PPARGC1A: variants seen among roughly 807,000 people sequenced by gnomAD.
PPARGC1A encodes PPARG coactivator 1 alpha, also known as peroxisome proliferator-activated receptor gamma coactivator 1-alpha.
A neutral mutation model predicts 88.7 loss-of-function variants in PPARGC1A; 25 were observed. The observed-to-expected ratio is 0.28, with a 90% CI of 0.21 to 0.39. The LOEUF is 0.39. Ranked by LOEUF, PPARGC1A falls within the 10% of genes least tolerant of loss-of-function variation. PPARGC1A has a pLI of 1.00. For synonymous variants in PPARGC1A, 363 were observed against 355.6 expected (o/e 1.02, Z -0.24); for missense variants, 880 against 968.7 (o/e 0.91, Z 1.22).
At chr4:24,006,489 T>C in the PPARGC1A span, among the ~76,000 whole-genome samples, 2 of 152,228 alleles carry the variant, frequency 1.3e-5, no homozygotes, top group African/African-American at 2.4e-5. Context: ...CCCTTAACAT[T>C]GGCTCAAACC....
At chr4:24,036,783 A>G in the PPARGC1A span, among the ~76,000 whole-genome samples, 2 of 152,168 alleles carry the variant, frequency 1.3e-5, no homozygotes, top group Admixed American at 1.3e-4. Context: ...CATGTTGGAG[A>G]TATTATGTAC....
At chr4:24,296,010 G>GTATATATGTGTA in the PPARGC1A span, among the ~76,000 whole-genome samples, 1 of 150,492 alleles carries the variant, frequency 6.6e-6, no homozygotes, top group Non-Finnish European at 1.5e-5. Context: ...ATGTATGTGT[G>GTATATATGTGTA]TATATATATG....
upstream of PPARGC1A, chr4:23,890,120 G>C: frequency 7.5e-7 from 1 of 1,325,620 alleles, no homozygotes. Flanking sequence ...AGTAGGCTGG[G>C]CTGTCACTCA....
chr4:23,801,365 C>T (rs1322494921), intron 12 of PPARGC1A, among the ~76,000 whole-genome samples: 1 of 151,926 alleles, frequency 6.6e-6, no homozygotes, highest in African/African-American at 2.4e-5. Context: ...CACACAGACA[C>T]ACACAATATC....
the PPARGC1A span, among the ~76,000 whole-genome samples, chr4:23,974,666 T>A: frequency 6.6e-6 from 1 of 151,746 alleles, no homozygotes; most frequent in Non-Finnish European, 1.5e-5. Flanking sequence ...GGAGTCTTGC[T>A]CTGTCGCCCA....
chr4:24,417,594 T>C, the PPARGC1A span, among the ~76,000 whole-genome samples: 1 of 152,210 alleles, frequency 6.6e-6, no homozygotes, highest in Non-Finnish European at 1.5e-5. Flanking sequence ...TGCTTTATTA[T>C]AGCAAAAGTC....
At chr4:24,305,901 A>G in the PPARGC1A span, among the ~76,000 whole-genome samples, 10 of 152,334 alleles carry the variant, frequency 6.6e-5, no homozygotes, top group Non-Finnish European at 1.3e-4. Flanking sequence ...CCACAGGTAC[A>G]TACAATTGAA....
chr4:23,931,250 G>A, the PPARGC1A span, among the ~76,000 whole-genome samples: 3 of 152,080 alleles, frequency 2.0e-5, no homozygotes, highest in Admixed American at 1.3e-4. Context: ...GGGAAACTCG[G>A]ACCCCCAAAG....
At chr4:24,399,991 G>A in the PPARGC1A span, among the ~76,000 whole-genome samples, 1 of 148,044 alleles carries the variant, frequency 6.8e-6, no homozygotes, top group Non-Finnish European at 1.5e-5. Context: ...TCACCATGTT[G>A]GCCAGGCTGG....
chr4:24,348,778 A>G, the PPARGC1A span, among the ~76,000 whole-genome samples: 87 of 152,192 alleles, frequency 5.7e-4, no homozygotes, highest in South Asian at 3.5e-3. Flanking sequence ...CTTATTAGCT[A>G]AATAACTAAC....
At chr4:24,275,099 A>G in the PPARGC1A span, among the ~76,000 whole-genome samples, 9 of 152,244 alleles carry the variant, frequency 5.9e-5, no homozygotes, top group East Asian at 3.8e-4. Flanking sequence ...TACTGCTTCA[A>G]TTTTGGAAAG....
In PPARGC1A at chr4:23,882,931, C is replaced by T. The variant is rs576442691; in HGVS notation, c.234+1821G>A. ...AGGCATTGACTCCTATGCCATCTCCCCTACCGCTAAGTTATTCTCTAGCCT... is the reference window on the plus strand; with the variant it reads ...AGGCATTGACTCCTATGCCATCTCCTCTACCGCTAAGTTATTCTCTAGCCT... On this transcript the variant is annotated intron_variant, in intron 2 of 12. Transcript: ENST00000264867. 5 of 152,174 alleles carry T rather than the reference C, an allele frequency of 3.3e-5. No individual in the cohort carries two copies. In the East Asian group the frequency reaches 7.7e-4, roughly 24 times the overall value. The allele number at this position is 152,174 out of a possible 1,614,324, so 9.4% of individuals were successfully genotyped here. A position where few individuals can be genotyped will look rare whatever the true frequency, so the allele number is the denominator to read the frequency against.
At chr4:24,420,482 C>T in the PPARGC1A span, among the ~76,000 whole-genome samples, 2 of 152,256 alleles carry the variant, frequency 1.3e-5, no homozygotes, top group South Asian at 4.1e-4. Flanking sequence ...TAGTGTCTGT[C>T]CGATCGTATG....
At chr4:23,861,267 C>T (rs1185024603) in intron 2 of PPARGC1A, among the ~76,000 whole-genome samples, 1 of 152,166 alleles carries the variant, frequency 6.6e-6, no homozygotes, top group East Asian at 1.9e-4. Context: ...AAAGAATGAA[C>T]ATGCTGAAGT....
the PPARGC1A span, among the ~76,000 whole-genome samples, chr4:24,304,386 A>T: frequency 1.3e-5 from 2 of 152,194 alleles, no homozygotes; most frequent in African/African-American, 4.8e-5. Flanking sequence ...AAGTCCTTAC[A>T]ATGACCCCGG....
At chr4:23,894,852 T>C (rs1718339142), upstream of PPARGC1A, among the ~76,000 whole-genome samples, 1 of 152,176 alleles carries the variant, frequency 6.6e-6, no homozygotes, top group African/African-American at 2.4e-5. Context: ...GATGTTCAAC[T>C]CGGTTGTATT....
chr4:23,843,318 C>G (rs1195977047), intron 2 of PPARGC1A, among the ~76,000 whole-genome samples: 1 of 152,000 alleles, frequency 6.6e-6, no homozygotes, highest in Non-Finnish European at 1.5e-5. Context: ...AGGCAAAATA[C>G]AGACTCCAAA....
At chr4:24,118,349 A>G in the PPARGC1A span, among the ~76,000 whole-genome samples, 1 of 152,166 alleles carries the variant, frequency 6.6e-6, no homozygotes. Context: ...GAAGAAAATT[A>G]AAAGAAAAAA....
At chr4:23,963,932 C>G in the PPARGC1A span, among the ~76,000 whole-genome samples, 1 of 152,120 alleles carries the variant, frequency 6.6e-6, no homozygotes, top group Non-Finnish European at 1.5e-5. Context: ...GGTCAGGCAG[C>G]AGTGTGGAGA....
Sources: gnomAD v4.1 joint callset for allele counts (sites outside exome capture counted in the v4.1 genomes callset) on GRCh38, gnomAD v4.1.1 for gene constraint, MANE v1.5 for transcripts, NCBI Gene and HGNC (gene_info 2026-07-23, HGNC 2026-07-21) for gene names.